Variants in TLL1 observed in about 807,000 individuals in gnomAD.
TLL1 encodes tolloid-like protein 1.
TLL1 carries 49 observed loss-of-function variants against 128.2 expected under a neutral mutation model. The observed-to-expected ratio is 0.38, with a 90% CI of 0.30 to 0.48. TLL1 has a LOEUF of 0.48. TLL1 is among the 20% of genes least tolerant of loss of function. TLL1 has a pLI of 0.96. For synonymous variants in TLL1, 454 were observed against 418.8 expected (o/e 1.08, Z -1.03); for missense variants, 1,123 against 1,242.0 (o/e 0.90, Z 1.44).
intron 1 of TLL1, among the ~76,000 whole-genome samples, chr4:165,878,446 A>G (rs1730819663): frequency 6.6e-6 from 1 of 151,996 alleles, no homozygotes; most frequent in Non-Finnish European, 1.5e-5. Flanking sequence ...TGGATAAGAC[A>G]TTATATTCCA....
chr4:166,072,145 T>C (rs1335764199), intron 16 of TLL1, among the ~76,000 whole-genome samples: 1 of 151,996 alleles, frequency 6.6e-6, no homozygotes, highest in Non-Finnish European at 1.5e-5. Flanking sequence ...ATTAGTTCAG[T>C]TTTGAATCTT....
intron 8 of TLL1, among the ~76,000 whole-genome samples, chr4:166,023,916 G>GT (rs35422171): frequency 0.092 from 13,443 of 146,626 alleles, 1,151 homozygotes; most frequent in African/African-American, 0.23. Context: ...TATAGGTTTG[G>GT]TTTTTTTTTT....
chr4:166,061,303 TG>T (rs1740303098), intron 15 of TLL1, among the ~76,000 whole-genome samples: 1 of 150,928 alleles, frequency 6.6e-6, no homozygotes, highest in African/African-American at 2.4e-5. Flanking sequence ...TGGAGTGCAG[TG>T]GTGCTATCTT....
intron 20 of TLL1, 24 bp from the exon 21 acceptor site, chr4:166,100,718 C>T (rs200080020): frequency 3.1e-6 from 5 of 1,612,188 alleles, no homozygotes; most frequent in Non-Finnish European, 4.2e-6. Flanking sequence ...TGTTTACTTG[C>T]TTGTTGTTTT....
rs750653722 is a variant in TLL1, at chr4:166,055,069, G to A, written c.1525-7G>A. ...CATATATTTTCACATATTTTTTTCT[G>A]TTGCAGATTGAAAGACATGACAATT... is the stretch of plus-strand genomic sequence containing the variant. On this transcript the variant is annotated splice_polypyrimidine_tract_variant and splice_region_variant and intron_variant, in intron 12 of 20. Transcript: ENST00000061240. 1.2e-6 allele frequency: 2 copies of A among 1,605,920 alleles called. No individual in the cohort carries two copies. Among genetic ancestry groups the A allele is most frequent in the East Asian group, 2.2e-5 (1 of 44,678 alleles).
chr4:165,999,400 C>T (rs997679865), intron 5 of TLL1, among the ~76,000 whole-genome samples: 2 of 152,150 alleles, frequency 1.3e-5, no homozygotes, highest in Non-Finnish European at 2.9e-5. Flanking sequence ...AAAGCAAGTA[C>T]CTTCTCCACA....
chr4:166,069,577 GTAT>G (rs1422625080), intron 16 of TLL1, among the ~76,000 whole-genome samples: 1 of 151,618 alleles, frequency 6.6e-6, no homozygotes, highest in African/African-American at 2.4e-5. Context: ...TATATTTATA[GTAT>G]TATTTTCAAC....
At chr4:166,073,231 C>T (rs1292630808) in intron 16 of TLL1, among the ~76,000 whole-genome samples, 2 of 152,120 alleles carry the variant, frequency 1.3e-5, no homozygotes, top group African/African-American at 2.4e-5. Context: ...TACTGCTTAA[C>T]TGTCTGCATT....
chr4:165,880,753 T>C (rs138494969), intron 1 of TLL1, among the ~76,000 whole-genome samples: 1,745 of 152,302 alleles, frequency 0.011, 16 homozygotes, highest in Middle Eastern at 0.02. Flanking sequence ...ATTTGTGTGA[T>C]GAGGGAGGCA....
intron 1 of TLL1, among the ~76,000 whole-genome samples, chr4:165,898,471 G>A (rs1379242879): frequency 6.6e-6 from 1 of 152,150 alleles, no homozygotes; most frequent in Non-Finnish European, 1.5e-5. Flanking sequence ...GGCCTTCTCT[G>A]CATCTATTGA....
At chr4:165,901,714 A>G (rs1469286044) in intron 1 of TLL1, among the ~76,000 whole-genome samples, 2 of 152,166 alleles carry the variant, frequency 1.3e-5, no homozygotes, top group African/African-American at 4.8e-5. Flanking sequence ...GTAAGCAGGC[A>G]CAGTGGTCAG....
intron 1 of TLL1, among the ~76,000 whole-genome samples, chr4:165,944,978 A>G (rs2110929213): frequency 6.6e-6 from 1 of 152,290 alleles, no homozygotes; most frequent in Non-Finnish European, 1.5e-5. Flanking sequence ...ATATATCACT[A>G]TTATTCAAAT....
At chr4:165,962,470 G>C (rs959079414) in intron 1 of TLL1, among the ~76,000 whole-genome samples, 3 of 152,250 alleles carry the variant, frequency 2.0e-5, no homozygotes, top group South Asian at 4.1e-4. Context: ...ACACACTGTT[G>C]GTGGGAATGT....
chr4:165,907,406 T>A (rs1732313300), intron 1 of TLL1, among the ~76,000 whole-genome samples: 1 of 152,120 alleles, frequency 6.6e-6, no homozygotes, highest in Admixed American at 6.5e-5. Context: ...TTTTACTAGG[T>A]ATGTGTGGAA....
At chr4:165,963,448 G>C (rs12642389) in intron 1 of TLL1, among the ~76,000 whole-genome samples, 2,406 of 152,108 alleles carry the variant, frequency 0.016, 84 homozygotes, top group East Asian at 0.15. Flanking sequence ...TTTCATGATG[G>C]CATTTTCAGT....
At chr4:165,940,210 G>A (rs72972210) in intron 1 of TLL1, among the ~76,000 whole-genome samples, 3,766 of 151,524 alleles carry the variant, frequency 0.025, 167 homozygotes, top group African/African-American at 0.086. Context: ...TATGTAATTA[G>A]GCTTGACGTT....
chr4:165,956,260 C>T (rs907511745), intron 1 of TLL1, among the ~76,000 whole-genome samples: 6 of 151,982 alleles, frequency 3.9e-5, no homozygotes, highest in East Asian at 1.9e-4. Context: ...AAACAGGGTT[C>T]GAGAGCAGAG....
intron 16 of TLL1, among the ~76,000 whole-genome samples, chr4:166,067,956 T>C (rs1318126523): frequency 6.6e-6 from 1 of 151,802 alleles, no homozygotes. Flanking sequence ...CCTTGGCAAA[T>C]GGCATTAGTT....
chr4:165,942,365 G>A (rs1253470478), intron 1 of TLL1, among the ~76,000 whole-genome samples: 2 of 150,216 alleles, frequency 1.3e-5, no homozygotes, highest in African/African-American at 4.9e-5. Context: ...TTCCTTCTCT[G>A]TCCACCTTAG....
Sources: gnomAD v4.1 joint callset for allele counts (sites outside exome capture counted in the v4.1 genomes callset) on GRCh38, gnomAD v4.1.1 for gene constraint, MANE v1.5 for transcripts, NCBI Gene and HGNC (gene_info 2026-07-23, HGNC 2026-07-21) for gene names.